The following ADCK1 variants were observed in gnomAD, a reference collection of about 807,000 sequenced individuals.
ADCK1 encodes the protein aarF domain containing kinase 1, also known as aarF domain-containing protein kinase 1.
Under a neutral mutation model 52.3 loss-of-function variants are expected in ADCK1, and 41 were observed. That is an observed-to-expected ratio of 0.78 (90% CI 0.61 to 1.02). The LOEUF is 1.02. ADCK1 is among the 50% of genes least tolerant of loss of function. The probability of loss-of-function intolerance (pLI) is 0.00; values close to 1 mark genes in which losing one functional copy is unlikely to be tolerated. For synonymous variants in ADCK1, 250 were observed against 274.6 expected, an observed-to-expected ratio of 0.91 and a Z score of 0.89; for missense variants, 658 against 679.5, an observed-to-expected ratio of 0.97 and a Z score of 0.35.
chr14:77,835,450 G>A (rs2081941032), intron 3 of ADCK1, among the ~76,000 whole-genome samples: 1 of 152,198 alleles, frequency 6.6e-6, no homozygotes, highest in Admixed American at 6.5e-5. Flanking sequence ...AAAGCCAAAT[G>A]TCCTTCACCC....
intron 6 of ADCK1, among the ~76,000 whole-genome samples, 176 bp from the exon 7 acceptor site, chr14:77,907,627 C>T (rs113699306): frequency 6.6e-6 from 1 of 152,234 alleles, no homozygotes; most frequent in Non-Finnish European, 1.5e-5. Context: ...GAGTAGCCAG[C>T]CTCCCTCTTG....
chr14:77,805,987 CTTTTTTTTTTT>C (rs530925697), intron 1 of ADCK1, among the ~76,000 whole-genome samples: 2 of 87,702 alleles, frequency 2.3e-5, no homozygotes, highest in Admixed American at 1.4e-4. Context: ...ATTCTTACGG[CTTTTTTTTTTT>C]TTTTTTTTTT....
chr14:77,860,871 G>C (rs2082529992), intron 4 of ADCK1, among the ~76,000 whole-genome samples: 2 of 152,180 alleles, frequency 1.3e-5, no homozygotes, highest in Non-Finnish European at 2.9e-5. Flanking sequence ...GCAGCTCTCT[G>C]GGGGTGGAAA....
At chr14:77,813,767 G>GTTT (rs539507254) in intron 1 of ADCK1, among the ~76,000 whole-genome samples, 112 of 146,636 alleles carry the variant, frequency 7.6e-4, no homozygotes, top group African/African-American at 2.5e-3. Flanking sequence ...TTGTTTTCCT[G>GTTT]TTTTTTTTTT....
chr14:77,858,272 C>G (rs558924923), intron 3 of ADCK1, among the ~76,000 whole-genome samples: 1 of 152,304 alleles, frequency 6.6e-6, no homozygotes, highest in East Asian at 1.9e-4. Context: ...GAGTCTCGCT[C>G]TGTTGCCCAG....
At chr14:77,869,192 C>G (rs1416033263) in intron 4 of ADCK1, among the ~76,000 whole-genome samples, 1 of 152,200 alleles carries the variant, frequency 6.6e-6, no homozygotes, top group East Asian at 1.9e-4. Context: ...CCGCAAACCT[C>G]TGGCTTAAAC....
chr14:77,909,681 A>G (rs1245842691), intron 7 of ADCK1, among the ~76,000 whole-genome samples: 3 of 152,214 alleles, frequency 2.0e-5, no homozygotes, highest in African/African-American at 7.2e-5. Flanking sequence ...GTTAGGGTGC[A>G]AACAGTGCTA....
chr14:77,874,030 G>A (rs1381095663), intron 4 of ADCK1, among the ~76,000 whole-genome samples: 1 of 152,232 alleles, frequency 6.6e-6, no homozygotes, highest in Non-Finnish European at 1.5e-5. Flanking sequence ...AAGGTGAGGT[G>A]ACTTCGCTGA....
At chr14:77,834,523 G>C (rs1384213358) in intron 3 of ADCK1, among the ~76,000 whole-genome samples, 1 of 152,206 alleles carries the variant, frequency 6.6e-6, no homozygotes, top group Non-Finnish European at 1.5e-5. Flanking sequence ...TTTAGGATTG[G>C]AGATGCCTGA....
chr14:77,912,880 AC>A (rs2083827845), intron 7 of ADCK1, among the ~76,000 whole-genome samples: 1 of 152,168 alleles, frequency 6.6e-6, no homozygotes, highest in South Asian at 2.1e-4. Context: ...GGATAGGGAA[AC>A]AACAGTTTAG....
intron 8 of ADCK1, among the ~76,000 whole-genome samples, chr14:77,925,194 C>T (rs1332793602): frequency 6.6e-6 from 1 of 152,220 alleles, no homozygotes; most frequent in Non-Finnish European, 1.5e-5. Flanking sequence ...AAAGGCTTAA[C>T]GAAGTAGAAT....
chr14:77,898,531 AT>A (rs1467918593), intron 5 of ADCK1, among the ~76,000 whole-genome samples: 11 of 152,134 alleles, frequency 7.2e-5, no homozygotes. Context: ...CAGCAAACTA[AT>A]GCAGGAACAA....
chr14:77,907,163 C>T (rs961553926), intron 6 of ADCK1, among the ~76,000 whole-genome samples: 2 of 152,172 alleles, frequency 1.3e-5, no homozygotes, highest in Non-Finnish European at 2.9e-5. Flanking sequence ...ATCCACCTGC[C>T]CCAGCCTCCC....
intron 1 of ADCK1, among the ~76,000 whole-genome samples, chr14:77,806,724 C>A (rs561750277): frequency 6.6e-6 from 1 of 152,174 alleles, no homozygotes; most frequent in African/African-American, 2.4e-5. Context: ...AAGATAGCCA[C>A]TCTTTTTTTA....
intron 6 of ADCK1, among the ~76,000 whole-genome samples, chr14:77,901,618 G>A (rs896917716): frequency 4.6e-5 from 7 of 152,014 alleles, no homozygotes; most frequent in African/African-American, 1.7e-4. Flanking sequence ...TCAAACTCCT[G>A]ACCTCAAATG....
chr14:77,923,606 G>A lies in ADCK1; in HGVS notation c.859-851G>A, dbSNP rs1253140442. On this transcript the variant is annotated intron_variant, in intron 7 of 10. Coordinates refer to ENST00000238561, the MANE Select transcript of ADCK1 (RefSeq NM_020421.4). The surrounding 1 kb of genome is among the most constrained non-coding windows in gnomAD (Gnocchi z 4.3). ...CCGAGAGGGTTGCCTAGGGCAGCTTGTGTCCTGGCGTGTCAGCTTTCTGGG... is the reference window on the plus strand; with the variant it reads ...CCGAGAGGGTTGCCTAGGGCAGCTTATGTCCTGGCGTGTCAGCTTTCTGGG... The A allele has an allele frequency of 1.3e-5, 2 of 152,290 alleles. No homozygotes were observed. Among genetic ancestry groups the A allele is most frequent in the African/African-American group, 4.8e-5 (2 of 41,452 alleles). The allele number at this position is 152,290 out of a possible 1,614,324, so 9.4% of individuals were successfully genotyped here. A position where few individuals can be genotyped will look rare whatever the true frequency, so the allele number is the denominator to read the frequency against.
At chr14:77,892,087 G>A (rs1294287319) in intron 5 of ADCK1, among the ~76,000 whole-genome samples, 2 of 152,134 alleles carry the variant, frequency 1.3e-5, no homozygotes, top group Non-Finnish European at 2.9e-5. Context: ...CAGGTGTGGT[G>A]TGCCCTTATG....
In ADCK1 at chr14:77,907,837, G is replaced by A. The variant is rs773741399; in HGVS notation, c.776G>A (p.Arg259Gln). 2.4e-5 allele frequency: 38 copies of A among 1,613,932 alleles called. No individual in the cohort carries two copies. The highest frequency in any genetic ancestry group is 3.1e-5 in the Non-Finnish European group (37 of 1,179,966). Residue 259 changes from arginine (R) to glutamine (Q), a missense_variant, in exon 7 of 11, where the codon CGG becomes CAG. By Grantham distance (43) the Arg-to-Gln change is conservative. Transcript: ENST00000238561. The stretch of plus-strand genomic sequence containing the variant: ...ATCCACTGGGACCTGTCCACGGAGC[G>A]GGTCCTCCTGATGGAGTTTGTGGAT... ...PRIHWDLSTE[R>Q]VLLMEFVDGG...
At chr14:77,814,928 C>T (rs532843972) in intron 1 of ADCK1, among the ~76,000 whole-genome samples, 136 of 150,984 alleles carry the variant, frequency 9.0e-4, no homozygotes, top group African/African-American at 3.1e-3. Flanking sequence ...TCTCTGTCGC[C>T]CAGGCTGGAG....
Sources: gnomAD v4.1 joint callset for allele counts (sites outside exome capture counted in the v4.1 genomes callset) on GRCh38, gnomAD v4.1.1 for gene constraint, Gnocchi (gnomAD v3.1) non-coding constraint, MANE v1.5 for transcripts, NCBI Gene and HGNC (gene_info 2026-07-23, HGNC 2026-07-21) for gene names.